MDGA2: variants seen among roughly 807,000 people sequenced by gnomAD.
MDGA2 encodes MAM domain containing glycosylphosphatidylinositol anchor 2.
In MDGA2, 40 loss-of-function variants were observed where a neutral mutation model predicts 117.8. The ratio of observed to expected loss-of-function variants is 0.34; its 90% CI spans 0.26 to 0.44. The LOEUF (loss-of-function observed/expected upper bound fraction) is 0.44, where lower values mean the gene tolerates loss of function less well. Among genes scored for constraint, MDGA2 ranks in the 20% least tolerant of loss-of-function variants. MDGA2 has a pLI of 1.00. For missense variants in MDGA2, 1,123 were observed against 1,250.6 expected (o/e 0.90, Z 1.54); for synonymous variants, 452 against 439.0 (o/e 1.03, Z -0.37).
intron 5 of MDGA2, among the ~76,000 whole-genome samples, chr14:47,103,412 A>C (rs1421215574): frequency 6.6e-6 from 1 of 152,258 alleles, no homozygotes; most frequent in Non-Finnish European, 1.5e-5. Context: ...GTGAAAACTC[A>C]AAATAATCTA....
intron 9 of MDGA2, among the ~76,000 whole-genome samples, chr14:46,936,136 T>C (rs1031225641): frequency 6.6e-6 from 1 of 152,154 alleles, no homozygotes; most frequent in Non-Finnish European, 1.5e-5. Context: ...CAAAGGTGCC[T>C]ATGGTTAAAA....
chr14:46,937,400 A>C (rs2138569663), intron 9 of MDGA2, among the ~76,000 whole-genome samples: 1 of 152,230 alleles, frequency 6.6e-6, no homozygotes, highest in Non-Finnish European at 1.5e-5. Context: ...TATAGATTCA[A>C]TGCAATTGCT....
At chr14:47,126,098 C>T (rs1020604952) in intron 5 of MDGA2, among the ~76,000 whole-genome samples, 41 of 152,072 alleles carry the variant, frequency 2.7e-4, no homozygotes, top group Non-Finnish European at 4.6e-4. Flanking sequence ...TAAATTTTAA[C>T]AGGCTTATTT....
chr14:47,252,924 T>A (rs963018251), intron 2 of MDGA2, among the ~76,000 whole-genome samples: 1 of 152,234 alleles, frequency 6.6e-6, no homozygotes, highest in South Asian at 2.1e-4. Context: ...TTAACAATCA[T>A]GGCAGAAGGC....
intron 1 of MDGA2, among the ~76,000 whole-genome samples, chr14:47,469,764 C>T (rs1456034150): frequency 6.6e-6 from 1 of 152,022 alleles, no homozygotes; most frequent in Non-Finnish European, 1.5e-5. Flanking sequence ...GTTTACAGTC[C>T]CACCAACAGT....
chr14:47,222,636 AGG>A, intron 2 of MDGA2, among the ~76,000 whole-genome samples: 1 of 152,216 alleles, frequency 6.6e-6, no homozygotes, highest in Non-Finnish European at 1.5e-5. Flanking sequence ...TCTATCCACA[AGG>A]TAATTTTTTT....
intron 8 of MDGA2, among the ~76,000 whole-genome samples, chr14:47,023,964 T>A (rs879573869): frequency 6.6e-6 from 1 of 151,998 alleles, no homozygotes; most frequent in Non-Finnish European, 1.5e-5. Flanking sequence ...CAAAACAAGA[T>A]TGAAAAGTAA....
intron 1 of MDGA2, among the ~76,000 whole-genome samples, chr14:47,337,926 T>C (rs1890509523): frequency 6.6e-6 from 1 of 152,002 alleles, no homozygotes; most frequent in Admixed American, 6.6e-5. Context: ...ATTTTGAAAA[T>C]ATCTTGTTTC....
chr14:46,967,731 A>G (rs997192414), intron 8 of MDGA2, among the ~76,000 whole-genome samples: 4 of 152,336 alleles, frequency 2.6e-5, no homozygotes, highest in African/African-American at 9.6e-5. Context: ...GAACTTGCAG[A>G]TAGTACTGAA....
chr14:46,853,179 A>G, intron 15 of MDGA2, among the ~76,000 whole-genome samples: 1 of 152,092 alleles, frequency 6.6e-6, no homozygotes, highest in South Asian at 2.1e-4. Context: ...GATGAAAAAT[A>G]CACTGAATAA....
intron 4 of MDGA2, among the ~76,000 whole-genome samples, chr14:47,137,137 T>C (rs1193342733): frequency 6.6e-6 from 1 of 152,142 alleles, no homozygotes; most frequent in African/African-American, 2.4e-5. Flanking sequence ...AGGTAAAAAA[T>C]ATGAATTTGG....
intron 1 of MDGA2, among the ~76,000 whole-genome samples, chr14:47,475,554 T>TA (rs1893818737): frequency 6.6e-6 from 1 of 151,852 alleles, no homozygotes; most frequent in Non-Finnish European, 1.5e-5. Flanking sequence ...TTACTGACAA[T>TA]AAAAAGACAT....
chr14:47,095,360 G>T (rs768304876), intron 6 of MDGA2, among the ~76,000 whole-genome samples: 2 of 151,772 alleles, frequency 1.3e-5, no homozygotes, highest in Non-Finnish European at 2.9e-5. Flanking sequence ...GAACAATATC[G>T]TATAGAAAAC....
chr14:47,591,645 C>T (rs112435216), intron 1 of MDGA2, among the ~76,000 whole-genome samples: 15,329 of 152,104 alleles, frequency 0.1, 860 homozygotes, highest in Middle Eastern at 0.14. Flanking sequence ...TCAAAATACG[C>T]AAATCAATAA....
intron 1 of MDGA2, among the ~76,000 whole-genome samples, chr14:47,634,544 C>T (rs903734902): frequency 2.0e-5 from 3 of 152,040 alleles, no homozygotes; most frequent in East Asian, 3.9e-4. Flanking sequence ...AAAGAAAAAT[C>T]GCTTGTAAAT....
chr14:47,402,164 T>G lies in MDGA2; in HGVS notation c.281-100614A>C, dbSNP rs527914755. 1.2e-4 allele frequency among the ~76,000 whole-genome samples: 18 copies of G among 152,302 alleles called. No homozygotes were observed. In the South Asian group the frequency reaches 3.5e-3, roughly 30 times the overall value. The stretch of plus-strand genomic sequence containing the variant: ...TCTGTGTAGGTAGTATTAGCACATC[T>G]TTAAAAGGCATTAAAAGTGGAATTT... On this transcript the variant is annotated intron_variant, in intron 1 of 16. Coordinates refer to ENST00000399232, the MANE Select transcript of MDGA2 (RefSeq NM_001113498.3).
At chr14:47,550,041 T>C (rs1292188340) in intron 1 of MDGA2, among the ~76,000 whole-genome samples, 4 of 152,186 alleles carry the variant, frequency 2.6e-5, no homozygotes, top group Non-Finnish European at 5.9e-5. Flanking sequence ...TGTGAATTGT[T>C]AGCATACTTT....
At chr14:47,615,983 CCTT>C (rs1896942492) in intron 1 of MDGA2, among the ~76,000 whole-genome samples, 1 of 152,118 alleles carries the variant, frequency 6.6e-6, no homozygotes, top group Admixed American at 6.5e-5. Flanking sequence ...CCTTGTTCCT[CCTT>C]CCAATCTCTC....
At chr14:47,420,259 T>A (rs1442530022) in intron 1 of MDGA2, among the ~76,000 whole-genome samples, 1 of 152,104 alleles carries the variant, frequency 6.6e-6, no homozygotes, top group Non-Finnish European at 1.5e-5. Context: ...TCTTCAGAAA[T>A]AATTCTGGCA....
Sources: allele counts gnomAD v4.1 joint callset (sites outside exome capture counted in the v4.1 genomes callset), GRCh38; gene constraint gnomAD v4.1.1; transcripts MANE v1.5; gene names NCBI Gene and HGNC (gene_info 2026-07-23, HGNC 2026-07-21).